Variants in PLCG2 observed in about 807,000 individuals in gnomAD.
PLCG2 encodes the protein 1-phosphatidylinositol 4,5-bisphosphate phosphodiesterase gamma-2.
Under a neutral mutation model 175.6 loss-of-function variants are expected in PLCG2, and 69 were observed. The ratio of observed to expected loss-of-function variants is 0.39; its 90% confidence interval spans 0.32 to 0.48. The LOEUF (loss-of-function observed/expected upper bound fraction) is 0.48. PLCG2 is among the 20% of genes least tolerant of loss of function. The probability of loss-of-function intolerance (pLI) is 0.91; values close to 1 mark genes in which losing one functional copy is unlikely to be tolerated. For synonymous variants in PLCG2, 827 were observed against 624.0 expected (o/e 1.33, Z -4.85); for missense variants, 1,798 against 1,650.9 (o/e 1.09, Z -1.54).
At chr16:81,864,192 G>T (rs1381215587) in intron 5 of PLCG2, among the ~76,000 whole-genome samples, 1 of 152,172 alleles carries the variant, frequency 6.6e-6, no homozygotes, top group Admixed American at 6.5e-5. Flanking sequence ...TGAGTAGGTG[G>T]TGGGCAGGGC....
chr16:81,782,763 T>C (rs1342310330), intron 1 of PLCG2, among the ~76,000 whole-genome samples: 1 of 152,208 alleles, frequency 6.6e-6, no homozygotes, highest in African/African-American at 2.4e-5. Flanking sequence ...AACGATTCTG[T>C]TAAAATGGGG....
chr16:81,874,963 T>TA lies in PLCG2; in HGVS notation c.648+4028_648+4029insA, dbSNP rs1382003632. Among the ~76,000 whole-genome samples the TA allele has an allele frequency of 5.3e-5, 3 of 56,192 alleles. 1 individual carries two copies. Among genetic ancestry groups the TA allele is most frequent in the Non-Finnish European group, 1.4e-4 (3 of 21,268 alleles). The allele number at this position is 56,192 out of a possible 152,430, so 36.9% of individuals were successfully genotyped here. A position where few individuals can be genotyped will look rare whatever the true frequency, so the allele number is the denominator to read the frequency against. ...TATCCTATGTGTTTTTTTTTTTTTTTTTTTTTTTTTTTTTATTTGAGACAG... is the reference window on the plus strand; with the variant it reads ...TATCCTATGTGTTTTTTTTTTTTTTTATTTTTTTTTTTTTTATTTGAGACAG... On this transcript the variant is annotated intron_variant, in intron 7 of 32. Coordinates refer to ENST00000564138, the MANE Select transcript of PLCG2 (RefSeq NM_002661.5).
At chr16:81,859,542 T>C (rs1906856238) in intron 5 of PLCG2, among the ~76,000 whole-genome samples, 1 of 147,038 alleles carries the variant, frequency 6.8e-6, no homozygotes, top group Non-Finnish European at 1.5e-5. Context: ...AGGTGGTTCT[T>C]TTTTTTTTTT....
intron 31 of PLCG2, among the ~76,000 whole-genome samples, chr16:81,955,371 C>T (rs563586859): frequency 6.6e-5 from 10 of 152,294 alleles, no homozygotes; most frequent in South Asian, 2.1e-4. Context: ...TGAACTCCAT[C>T]GGGAAAGGCC....
chr16:81,860,455 T>A (rs1375586038), intron 5 of PLCG2, among the ~76,000 whole-genome samples: 1 of 152,042 alleles, frequency 6.6e-6, no homozygotes, highest in Non-Finnish European at 1.5e-5. Flanking sequence ...TCTAATAGTT[T>A]GATAGCGAGA....
chr16:81,837,538 A>T (rs889188455), intron 2 of PLCG2, among the ~76,000 whole-genome samples: 4 of 152,028 alleles, frequency 2.6e-5, no homozygotes, highest in African/African-American at 9.7e-5. Flanking sequence ...CTCCGCAGGG[A>T]CCCCCGTGTC....
chr16:81,790,995 CACAGCA>C (rs1597320480), intron 2 of PLCG2, among the ~76,000 whole-genome samples: 1 of 152,158 alleles, frequency 6.6e-6, no homozygotes, highest in East Asian at 1.9e-4. Flanking sequence ...TTGCTTTGCT[CACAGCA>C]ATAAAATGTC....
intron 12 of PLCG2, among the ~76,000 whole-genome samples, chr16:81,894,988 C>A (rs1416983923): frequency 2.6e-5 from 4 of 152,196 alleles, no homozygotes; most frequent in Non-Finnish European, 5.9e-5. Flanking sequence ...AGCAGTTACT[C>A]TATAGACTTT....
rs761720067 is a variant in PLCG2, at chr16:81,891,464, T to C, written c.868-8T>C. 3 of 1,460,484 alleles carry C rather than the reference T, an allele frequency of 2.1e-6. No individual in the cohort carries two copies. The highest frequency in any genetic ancestry group is 2.8e-5 in the African/African-American group (2 of 72,016). The allele number at this position is 1,460,484 out of a possible 1,614,324, so 90.5% of individuals were successfully genotyped here. On this transcript the variant is annotated splice_region_variant and splice_polypyrimidine_tract_variant and intron_variant, in intron 10 of 32. Transcript: ENST00000564138. ...TGATGATTCGGTCTTCGTGTTTGAC[T>C]CTTTTAGTTCCTCACGTACCTGTTT...
intron 2 of PLCG2, chr16:81,767,453 T>C (rs1910176094): frequency 6.6e-6 from 1 of 152,176 alleles, no homozygotes; most frequent in Non-Finnish European, 1.5e-5. Context: ...CCTCAACTGA[T>C]ACACTCTTGT....
intron 12 of PLCG2, 78 bp from the exon 13 acceptor site, chr16:81,895,729 G>A: frequency 1.5e-5 from 23 of 1,535,210 alleles, no homozygotes; most frequent in Non-Finnish European, 2.1e-5. Context: ...TAACTGAACT[G>A]GTGTGTGGGC....
chr16:81,783,989 A>T (rs1460236364), intron 1 of PLCG2, among the ~76,000 whole-genome samples: 2 of 152,068 alleles, frequency 1.3e-5, no homozygotes, highest in South Asian at 4.1e-4. Context: ...CACACTCCAG[A>T]TTAAATTTAG....
chr16:81,877,523 C>G (rs1367453514), intron 7 of PLCG2, among the ~76,000 whole-genome samples: 2 of 152,242 alleles, frequency 1.3e-5, no homozygotes, highest in African/African-American at 2.4e-5. Flanking sequence ...GTCCAAAATC[C>G]AGGTGTTGGC....
intron 1 of PLCG2, among the ~76,000 whole-genome samples, chr16:81,741,187 C>T (rs1007782856): frequency 1.1e-4 from 16 of 151,870 alleles, no homozygotes; most frequent in African/African-American, 3.1e-4. Flanking sequence ...GATTAGAGCT[C>T]GCTTATAAGA....
At position 81,871,682 on chromosome 16, in the gene PLCG2, G is replaced by T. The variant is rs572082677; in HGVS notation, c.648+747G>T. Among the ~76,000 whole-genome samples, 56 of 152,104 alleles carry T rather than the reference G, an allele frequency of 3.7e-4. No homozygotes were observed. The South Asian group carries it at 0.011, about 30-fold the overall frequency. On this transcript the variant is annotated intron_variant, in intron 7 of 32. Transcript: ENST00000564138. Reference sequence around the variant, plus strand: ...TATTTTTTATGAGGGCATATTTTTTGATTAAAATAATAGACTATTTAAAAA... The same window carrying T: ...TATTTTTTATGAGGGCATATTTTTTTATTAAAATAATAGACTATTTAAAAA...
chr16:81,934,976 G>A (rs1207064695), intron 26 of PLCG2, among the ~76,000 whole-genome samples: 2 of 151,930 alleles, frequency 1.3e-5, no homozygotes, highest in Non-Finnish European at 2.9e-5. Flanking sequence ...CCCATAACAC[G>A]TGGGAATTAT....
intron 2 of PLCG2, among the ~76,000 whole-genome samples, chr16:81,816,414 T>C (rs962433003): frequency 1.3e-5 from 2 of 152,004 alleles, no homozygotes; most frequent in African/African-American, 4.8e-5. Flanking sequence ...CTATCTGGCA[T>C]ATCCTATTTT....
chr16:81,919,366 T>A lies in PLCG2; in HGVS notation c.2055-118T>A, dbSNP rs182785681. 6.3e-5 allele frequency: 46 copies of A among 728,306 alleles called. 1 individual carries two copies. In the Admixed American group the frequency reaches 7.9e-4, roughly 13 times the overall value. The allele number at this position is 728,306 out of a possible 1,614,324, so 45.1% of individuals were successfully genotyped here. On this transcript the variant is annotated intron_variant, in intron 19 of 32. Transcript: ENST00000564138. ...TTCCATAGGAGGACTATACCCTGTTTATTTACCCACTTCTCTAAGGCTGGA... is the reference window on the plus strand; with the variant it reads ...TTCCATAGGAGGACTATACCCTGTTAATTTACCCACTTCTCTAAGGCTGGA...
At chr16:81,957,531 G>A (rs1380378817) in intron 32 of PLCG2, among the ~76,000 whole-genome samples, 1 of 152,130 alleles carries the variant, frequency 6.6e-6, no homozygotes, top group Non-Finnish European at 1.5e-5. Context: ...CTCTAGACTG[G>A]GTCAAGATCC....
Sources: allele counts gnomAD v4.1 joint callset (sites outside exome capture counted in the v4.1 genomes callset), GRCh38; gene constraint gnomAD v4.1.1; transcripts MANE v1.5; gene names NCBI Gene and HGNC (gene_info 2026-07-23, HGNC 2026-07-21).